The following TATDN1 variants were observed in gnomAD, a reference collection of about 807,000 sequenced individuals.
TATDN1 encodes deoxyribonuclease TATDN1.
In TATDN1, 40 loss-of-function variants were observed where a neutral mutation model predicts 46.4. The ratio of observed to expected loss-of-function variants is 0.86; its 90% CI spans 0.67 to 1.12. TATDN1 has a LOEUF of 1.12. Ranked by LOEUF, TATDN1 falls within the 50% of genes most tolerant of loss-of-function variation. The pLI, the probability that TATDN1 is intolerant of heterozygous loss-of-function variation, is 0.00. For synonymous variants in TATDN1, 95 were observed against 105.6 expected (o/e 0.90, Z 0.62); for missense variants, 326 against 348.4 (o/e 0.94, Z 0.51).
intron 1 of TATDN1, among the ~76,000 whole-genome samples, chr8:124,537,707 C>T (rs765897843): frequency 6.6e-6 from 1 of 152,120 alleles, no homozygotes; most frequent in Non-Finnish European, 1.5e-5. Context: ...CCATCTCCCT[C>T]ATCAATTATA....
intron 1 of TATDN1, among the ~76,000 whole-genome samples, chr8:124,523,792 T>C (rs914407186): frequency 1.3e-5 from 2 of 152,186 alleles, no homozygotes; most frequent in Non-Finnish European, 1.5e-5. Flanking sequence ...CTCCTGCCGA[T>C]ACTGAGGGAA....
intron 8 of TATDN1, among the ~76,000 whole-genome samples, chr8:124,506,334 C>CAAAAAAAAAAAAAAA (rs56023168): frequency 5.2e-4 from 27 of 52,372 alleles, no homozygotes; most frequent in African/African-American, 7.7e-4. Context: ...GGCTCTGTCT[C>CAAAAAAAAAAAAAAA]AAAAAAAAAA....
chr8:124,498,955 T>TC, intron 9 of TATDN1, among the ~76,000 whole-genome samples: 1 of 150,406 alleles, frequency 6.6e-6, no homozygotes, highest in East Asian at 1.9e-4. Context: ...TGGCCTCTTT[T>TC]TTTTTTTTTT....
intron 3 of TATDN1, among the ~76,000 whole-genome samples, chr8:124,520,218 C>T (rs1819904816): frequency 6.6e-6 from 1 of 152,144 alleles, no homozygotes; most frequent in African/African-American, 2.4e-5. Context: ...AGATGGATCA[C>T]CCGTGGTCAG....
chr8:124,505,987 T>A (rs1448428718), intron 8 of TATDN1, among the ~76,000 whole-genome samples: 1 of 151,868 alleles, frequency 6.6e-6, no homozygotes, highest in African/African-American at 2.4e-5. Context: ...TAGGTTGGAT[T>A]TGTTGTTGCT....
intron 11 of TATDN1, 134 bp from the exon 12 acceptor site, chr8:124,488,830 T>TC: frequency 3.3e-6 from 2 of 613,370 alleles, no homozygotes; most frequent in East Asian, 6.6e-5. Flanking sequence ...TTATTAAGTT[T>TC]TTCAGCAATA....
chr8:124,496,312 G>A (rs903428535), intron 9 of TATDN1, among the ~76,000 whole-genome samples: 3 of 152,110 alleles, frequency 2.0e-5, no homozygotes, highest in Non-Finnish European at 2.9e-5. Context: ...TGGTAGGTAC[G>A]TTTATCATTG....
chr8:124,506,570 T>C (rs1818452820), intron 8 of TATDN1, among the ~76,000 whole-genome samples: 1 of 152,120 alleles, frequency 6.6e-6, no homozygotes, highest in Admixed American at 6.5e-5. Flanking sequence ...CACAGTAATA[T>C]TAACATTACA....
chr8:124,533,476 A>C (rs1457655588), intron 1 of TATDN1, among the ~76,000 whole-genome samples: 2 of 152,106 alleles, frequency 1.3e-5, no homozygotes, highest in African/African-American at 2.4e-5. Flanking sequence ...AGGGGGTGGC[A>C]ACTGCCCTCA....
intron 6 of TATDN1, 83 bp downstream of exon 6, chr8:124,515,663 A>T (rs1819396032): frequency 1.5e-6 from 2 of 1,365,298 alleles, no homozygotes; most frequent in African/African-American, 2.9e-5. Flanking sequence ...TGCTTAATCC[A>T]ACTATACTCT....
At chr8:124,537,556 T>A (rs1821562435) in intron 1 of TATDN1, among the ~76,000 whole-genome samples, 1 of 152,212 alleles carries the variant, frequency 6.6e-6, no homozygotes, top group South Asian at 2.1e-4. Context: ...CTGATTTGAT[T>A]TTTAGATACA....
intron 4 of TATDN1, among the ~76,000 whole-genome samples, chr8:124,516,895 C>T (rs1355000047): frequency 3.3e-5 from 5 of 151,968 alleles, no homozygotes; most frequent in East Asian, 1.9e-4. Flanking sequence ...TAGCTGAGCC[C>T]GAACCATGGG....
intron 1 of TATDN1, 99 bp downstream of exon 1, chr8:124,538,926 A>C: frequency 6.8e-7 from 1 of 1,465,180 alleles, no homozygotes; most frequent in Non-Finnish European, 9.5e-7. Context: ...TTCAACCCTT[A>C]CAATGCCGGA....
intron 4 of TATDN1, among the ~76,000 whole-genome samples, chr8:124,516,905 G>A (rs1007986528): frequency 6.6e-6 from 1 of 152,144 alleles, no homozygotes. Context: ...CGAACCATGG[G>A]AAAGGTATCA....
intron 6 of TATDN1, among the ~76,000 whole-genome samples, chr8:124,512,723 T>C (rs1487703340): frequency 6.6e-6 from 1 of 152,178 alleles, no homozygotes; most frequent in Non-Finnish European, 1.5e-5. Context: ...CAAAGACACC[T>C]GTCTGTTGCG....
chr8:124,524,841 A>C (rs866650930), intron 1 of TATDN1, among the ~76,000 whole-genome samples: 1 of 152,198 alleles, frequency 6.6e-6, no homozygotes, highest in African/African-American at 2.4e-5. Context: ...GGTTTACTCA[A>C]CTTGATGGAT....
intron 9 of TATDN1, 96 bp from the exon 10 acceptor site, chr8:124,495,638 A>G: frequency 1.2e-6 from 1 of 868,312 alleles, no homozygotes; most frequent in Non-Finnish European, 1.8e-6. Flanking sequence ...AACCAACCCA[A>G]AACCCTATAA....
At chr8:124,520,595 A>G (rs1299167731) in intron 3 of TATDN1, among the ~76,000 whole-genome samples, 1 of 152,008 alleles carries the variant, frequency 6.6e-6, no homozygotes, top group Non-Finnish European at 1.5e-5. Flanking sequence ...TTTACTAAAT[A>G]GTTGAAAAAA....
At chr8:124,507,295 A>G (rs2131417733) in intron 8 of TATDN1, among the ~76,000 whole-genome samples, 1 of 152,342 alleles carries the variant, frequency 6.6e-6, no homozygotes, top group East Asian at 1.9e-4. Flanking sequence ...AATTACAGAA[A>G]GGAGAATGAC....
Sources: gnomAD v4.1 joint callset for allele counts (sites outside exome capture counted in the v4.1 genomes callset) on GRCh38, gnomAD v4.1.1 for gene constraint, MANE v1.5 for transcripts, NCBI Gene and HGNC (gene_info 2026-07-23, HGNC 2026-07-21) for gene names.